Variants in PLCB1 observed in about 807,000 individuals in gnomAD.
PLCB1 encodes 1-phosphatidylinositol 4,5-bisphosphate phosphodiesterase beta-1.
In PLCB1, 46 loss-of-function variants were observed where a neutral mutation model predicts 161.8. That is an observed-to-expected ratio of 0.28 (90% CI 0.22 to 0.36). The LOEUF (loss-of-function observed/expected upper bound fraction) is 0.36. PLCB1 is among the 10% of genes least tolerant of loss of function. PLCB1 has a pLI of 1.00. For missense variants in PLCB1, 1,016 were observed against 1,472.5 expected (o/e 0.69, Z 5.07); for synonymous variants, 517 against 503.7 (o/e 1.03, Z -0.35).
chr20:8,667,028 A>G (rs890052669), intron 9 of PLCB1, among the ~76,000 whole-genome samples: 3 of 152,188 alleles, frequency 2.0e-5, no homozygotes, highest in Non-Finnish European at 2.9e-5. Flanking sequence ...CTGCCTCACA[A>G]TTAAGGTGGC....
chr20:8,649,337 A>G (rs368168744), intron 6 of PLCB1, 37 bp from the exon 7 acceptor site: 2 of 1,474,116 alleles, frequency 1.4e-6, no homozygotes, highest in African/African-American at 2.8e-5. Context: ...TCCATGTGCC[A>G]TTTAAACCTC....
In PLCB1 at chr20:8,486,485, T is replaced by A. The variant is rs1241320728; in HGVS notation, c.246+115035T>A. On this transcript the variant is annotated intron_variant, in intron 3 of 31. Transcript: ENST00000338037. The stretch of plus-strand genomic sequence containing the variant: ...CAGCTGCTTTTATTCCAAAATATTT[T>A]TTTTTTTTTTTTTTTTTTTTTTAGA... Among the ~76,000 whole-genome samples, 20 of 130,594 alleles carry A rather than the reference T, an allele frequency of 1.5e-4. No homozygotes were observed. The East Asian group carries it at 2.2e-3, about 14-fold the overall frequency. 85.7% of individuals were successfully genotyped at this position (130,594 alleles called of 152,430 possible). A position where few individuals can be genotyped will look rare whatever the true frequency, so the allele number is the denominator to read the frequency against.
At chr20:8,816,253 T>A (rs1406163810) in intron 31 of PLCB1, among the ~76,000 whole-genome samples, 1 of 152,022 alleles carries the variant, frequency 6.6e-6, no homozygotes, top group African/African-American at 2.4e-5. Context: ...TTTTCACAAC[T>A]GAAGAATATT....
intron 19 of PLCB1, among the ~76,000 whole-genome samples, chr20:8,736,104 G>C (rs1165885489): frequency 6.6e-6 from 1 of 152,144 alleles, no homozygotes; most frequent in African/African-American, 2.4e-5. Context: ...TGACCAGCAG[G>C]CAATTTTCTT....
intron 2 of PLCB1, among the ~76,000 whole-genome samples, chr20:8,272,033 T>A (rs1451657457): frequency 1.3e-5 from 2 of 152,106 alleles, no homozygotes; most frequent in Non-Finnish European, 2.9e-5. Context: ...TTTAGTATTA[T>A]GCATAGCATC....
intron 3 of PLCB1, among the ~76,000 whole-genome samples, chr20:8,433,706 T>TTCCTCCTCCTCCTCCTCA (rs1033183201): frequency 6.8e-5 from 10 of 146,770 alleles, no homozygotes; most frequent in Admixed American, 4.7e-4. Flanking sequence ...CCTTCTCCTC[T>TTCCTCCTCCTCCTCCTCA]TCCTCCTCCT....
Position 8,740,433 on chromosome 20 carries a change from C to T in PLCB1, c.2398C>T (p.Pro800Ser). The T allele has an allele frequency of 6.3e-7, 1 of 1,579,996 alleles. No homozygotes were observed. Among genetic ancestry groups the T allele is most frequent in the Non-Finnish European group, 8.6e-7 (1 of 1,162,498 alleles). Residue 800 changes from proline to serine, a missense_variant, in exon 22 of 32, where the codon CCA becomes TCA. By Grantham distance (74) the Pro-to-Ser change is moderately conservative. This residue lies in a region of PLCB1 where 75 missense variants were observed against 117.0 expected (regional missense o/e 0.64). Transcript: ENST00000338037. Reference sequence around the variant, plus strand: ...CTACATAGAAGTGAAAGACTATGTGCCAGACACATATGCAGGTAAACAACT... The same window carrying T: ...CTACATAGAAGTGAAAGACTATGTGTCAGACACATATGCAGGTAAACAACT... The part of the protein sequence containing the change: ...FVYIEVKDYV[P>S]DTYADVIEAL...
intron 31 of PLCB1, among the ~76,000 whole-genome samples, chr20:8,798,499 T>C (rs1465102405): frequency 6.6e-6 from 1 of 152,000 alleles, no homozygotes; most frequent in Non-Finnish European, 1.5e-5. Flanking sequence ...GAAAGGAAAA[T>C]TACAAGTAGG....
chr20:8,184,549 C>T (rs1301881131), intron 2 of PLCB1, among the ~76,000 whole-genome samples: 2 of 151,698 alleles, frequency 1.3e-5, no homozygotes, highest in Non-Finnish European at 2.9e-5. Flanking sequence ...AGGCTTCTGC[C>T]CTGCTAGGAT....
intron 11 of PLCB1, among the ~76,000 whole-genome samples, chr20:8,707,011 CA>C (rs755654739): frequency 4.6e-5 from 7 of 152,176 alleles, no homozygotes; most frequent in Non-Finnish European, 1.0e-4. Flanking sequence ...AGCCTATACT[CA>C]AATAAATCAA....
intron 2 of PLCB1, among the ~76,000 whole-genome samples, chr20:8,183,420 T>A (rs6039074): frequency 6.6e-6 from 1 of 152,072 alleles, no homozygotes; most frequent in Non-Finnish European, 1.5e-5. Flanking sequence ...TCTGTAATAA[T>A]GTACTACATT....
chr20:8,199,192 C>T (rs1032502009), intron 2 of PLCB1, among the ~76,000 whole-genome samples: 2 of 151,916 alleles, frequency 1.3e-5, no homozygotes, highest in Non-Finnish European at 2.9e-5. Flanking sequence ...GACAGTAGCC[C>T]CTTCTGTGGA....
chr20:8,881,328 C>CCT (rs1555797331), intron 31 of PLCB1, among the ~76,000 whole-genome samples: 4 of 128,860 alleles, frequency 3.1e-5, no homozygotes, highest in Non-Finnish European at 5.5e-5. Context: ...TCAAAAGACC[C>CCT]GTGTGTGTGT....
intron 31 of PLCB1, among the ~76,000 whole-genome samples, chr20:8,824,422 A>G (rs1420247662): frequency 6.6e-6 from 1 of 152,150 alleles, no homozygotes; most frequent in African/African-American, 2.4e-5. Flanking sequence ...TTTTATTTTC[A>G]TTGGATGCTA....
At chr20:8,682,822 G>C (rs1990254411) in intron 9 of PLCB1, among the ~76,000 whole-genome samples, 1 of 152,106 alleles carries the variant, frequency 6.6e-6, no homozygotes, top group Admixed American at 6.6e-5. Context: ...AAGAAAATTG[G>C]TTATGTGTAT....
chr20:8,750,840 C>T (rs750234080), intron 23 of PLCB1: 18 of 1,365,032 alleles, frequency 1.3e-5, no homozygotes, highest in South Asian at 2.3e-5. Flanking sequence ...GAGACTCACC[C>T]GTAATACGCT....
intron 31 of PLCB1, among the ~76,000 whole-genome samples, chr20:8,819,031 T>C (rs1985211134): frequency 6.6e-6 from 1 of 152,104 alleles, no homozygotes; most frequent in South Asian, 2.1e-4. Context: ...TTTGACAAGC[T>C]GATTCCAAAA....
At chr20:8,438,745 G>A (rs1183559045) in intron 3 of PLCB1, among the ~76,000 whole-genome samples, 2 of 152,136 alleles carry the variant, frequency 1.3e-5, no homozygotes, top group Admixed American at 6.5e-5. Context: ...TTGGGTTCAG[G>A]TCTTTGCCCC....
chr20:8,565,447 T>C (rs1352566951), intron 3 of PLCB1, among the ~76,000 whole-genome samples: 1 of 152,004 alleles, frequency 6.6e-6, no homozygotes, highest in Non-Finnish European at 1.5e-5. Context: ...GTAACAAACC[T>C]GCACATTCTG....
Sources: allele counts gnomAD v4.1 joint callset (sites outside exome capture counted in the v4.1 genomes callset), GRCh38; gene constraint gnomAD v4.1.1; regional missense constraint gnomAD v4.1.1; transcripts MANE v1.5; gene names NCBI Gene and HGNC (gene_info 2026-07-23, HGNC 2026-07-21).